The following FBXL16 variants were observed in gnomAD, a reference collection of about 807,000 sequenced individuals.
The protein encoded by FBXL16 is F-box and leucine rich repeat protein 16, also known as F-box/LRR-repeat protein 16.
FBXL16 carries 7 observed loss-of-function variants against 36.7 expected under a neutral mutation model. That is an observed-to-expected ratio of 0.19 (90% CI 0.11 to 0.36). The LOEUF is 0.36. Ranked by LOEUF, FBXL16 falls within the 10% of genes least tolerant of loss-of-function variation. The pLI, the probability that FBXL16 is intolerant of heterozygous loss-of-function variation, is 1.00. For synonymous variants in FBXL16, 355 were observed against 308.7 expected, an observed-to-expected ratio of 1.15 and a Z score of -1.57; for missense variants, 463 against 659.4, an observed-to-expected ratio of 0.70 and a Z score of 3.26.
At chr16:705,242 G>T (rs1480260302) in intron 1 of FBXL16, among the ~76,000 whole-genome samples, 1 of 152,186 alleles carries the variant, frequency 6.6e-6, no homozygotes, top group East Asian at 1.9e-4. Context: ...GTCCCAGGAG[G>T]CACGGACCCC....
chr16:702,777 G>C (rs2040066690), intron 1 of FBXL16, among the ~76,000 whole-genome samples: 1 of 152,202 alleles, frequency 6.6e-6, no homozygotes, highest in South Asian at 2.1e-4. Context: ...CCCAGGGCTG[G>C]GGTGGGCCTT....
At chr16:704,401 G>A (rs973956063) in intron 1 of FBXL16, among the ~76,000 whole-genome samples, 1 of 152,198 alleles carries the variant, frequency 6.6e-6, no homozygotes, top group African/African-American at 2.4e-5. Flanking sequence ...GGGGCAGGGA[G>A]TGGGGCAAGT....
At chr16:695,374 G>T in intron 3 of FBXL16, 41 bp downstream of exon 3, 2 of 1,373,226 alleles carry the variant, frequency 1.5e-6, no homozygotes, top group Non-Finnish European at 9.4e-7. Flanking sequence ...GTGCAGCCCC[G>T]CCCGGCCCAG....
chr16:700,828 C>T (rs1233315529), intron 1 of FBXL16, among the ~76,000 whole-genome samples: 1 of 152,066 alleles, frequency 6.6e-6, no homozygotes, highest in African/African-American at 2.4e-5. Context: ...CGCTCAGGGC[C>T]AGGCCCGGGC....
chr16:697,074 G>A lies in FBXL16; in HGVS notation c.332C>T (p.Ala111Val). 6.2e-7 allele frequency: 1 copy of A among 1,605,756 alleles called. No individual in the cohort carries two copies. Among genetic ancestry groups the A allele is most frequent in the Non-Finnish European group, 8.5e-7 (1 of 1,176,322 alleles). ...CTGGGCCAGCACACACTTCTCGCAG[G>A]CCGAGAAATACCAGAAGAGCCCATT... ...ILNGLFWYFS[A>V]CEKCVLAQVC... Residue 111 changes from alanine (A) to valine (V), a missense_variant, in exon 2 of 6, where the codon GCC becomes GTC. Transcript: ENST00000397621. This position sits in a 1 kb window ranked among gnomAD's most constrained non-coding sequence, Gnocchi z 4.6.
At position 695,750 on chromosome 16, in the gene FBXL16, G is replaced by A. The variant is rs755773705; in HGVS notation, c.807C>T (p.Asn269=). The change falls in exon 3 of 6, where the codon AAC becomes AAT. Residue 269 remains asparagine (N), a synonymous_variant. Transcript: ENST00000397621. ...AIAAISQLLP[N]LAELSLQAYH... ...AGGCCTGCAGGCTCAGCTCCGCCAG[G>A]TTGGGCAGCAGCTGCGAGATGGCCG... 2.2e-5 allele frequency: 36 copies of A among 1,604,018 alleles called. No individual in the cohort carries two copies. The highest frequency in any genetic ancestry group is 1.7e-4 in the Middle Eastern group (1 of 6,036).
At position 695,399 on chromosome 16, in the gene FBXL16, G is replaced by A. The variant is rs2040003718; in HGVS notation, c.1142+16C>T. On this transcript the variant is annotated intron_variant, in intron 3 of 5. Transcript: ENST00000397621. ...GCCCGGCCCAGCCCCGCCCGGCGCG[G>A]CCCGGGGGCGCGCACCTGTCGAGCA... 2 of 1,517,820 alleles carry A rather than the reference G, an allele frequency of 1.3e-6. No homozygotes were observed. Among genetic ancestry groups the A allele is most frequent in the African/African-American group, 1.4e-5 (1 of 72,084 alleles). 94.0% of individuals were successfully genotyped at this position (1,517,820 alleles called of 1,614,324 possible).
In FBXL16 at chr16:693,633, G is replaced by A. The variant is rs535058967; in HGVS notation, c.*642C>T. On this transcript the variant is annotated 3_prime_UTR_variant, in exon 6 of 6. Transcript: ENST00000397621. ...CGGCAAGGAGGAGGAGAGGCCGCGT[G>A]GGTCAGGCTGGATGGGTGAGGAGGT... The A allele has an allele frequency of 1.3e-5, 2 of 153,028 alleles. No homozygotes were observed. Among genetic ancestry groups the A allele is most frequent in the South Asian group, 2.1e-4 (1 of 4,846 alleles). 9.5% of individuals were successfully genotyped at this position (153,028 alleles called of 1,614,324 possible).
In FBXL16 at chr16:697,100, G is replaced by A. The variant is rs893498250; in HGVS notation, c.306C>T (p.Leu102=). Reference sequence around the variant, plus strand: ...CCGAGAAATACCAGAAGAGCCCATTGAGGATCTTCTCGTCCGTGGCCAGCG... The same window carrying A: ...CCGAGAAATACCAGAAGAGCCCATTAAGGATCTTCTCGTCCGTGGCCAGCG... ...RPPLATDEKI[L]NGLFWYFSAC... is the part of the protein sequence containing the mutation. The change falls in exon 2 of 6, where the codon CTC becomes CTT. Residue 102 remains leucine, a synonymous_variant. Coordinates refer to ENST00000397621, the MANE Select transcript of FBXL16 (RefSeq NM_153350.4). This position sits in a 1 kb window ranked among gnomAD's most constrained non-coding sequence, Gnocchi z 4.6. The A allele has an allele frequency of 5.6e-6, 9 of 1,608,044 alleles. No homozygotes were observed. Among genetic ancestry groups the A allele is most frequent in the South Asian group, 1.1e-5 (1 of 90,552 alleles).
chr16:701,576 A>G (rs1198183827), intron 1 of FBXL16, among the ~76,000 whole-genome samples: 1 of 152,144 alleles, frequency 6.6e-6, no homozygotes, highest in Non-Finnish European at 1.5e-5. Flanking sequence ...GGGCTCACAC[A>G]AGGGCCCCTC....
At chr16:696,104 C>T in intron 2 of FBXL16, 181 bp from the exon 3 acceptor site, 1 of 876,816 alleles carries the variant, frequency 1.1e-6, no homozygotes, top group Non-Finnish European at 1.7e-6. Context: ...GGGGCGTTGG[C>T]ACCAGCGTTA....
intron 1 of FBXL16, among the ~76,000 whole-genome samples, chr16:700,774 C>G (rs1222861154): frequency 6.6e-6 from 1 of 152,042 alleles, no homozygotes; most frequent in Non-Finnish European, 1.5e-5. Flanking sequence ...CCGGCCGGCG[C>G]GCCACCCGCG....
chr16:703,842 G>A (rs1235874374), intron 1 of FBXL16, among the ~76,000 whole-genome samples: 1 of 152,226 alleles, frequency 6.6e-6, no homozygotes, highest in Non-Finnish European at 1.5e-5. Flanking sequence ...TGGGTGCTGG[G>A]ATCCAGGCCT....
At position 695,069 on chromosome 16, in the gene FBXL16, G is replaced by A; in HGVS notation, c.1150C>T (p.Arg384Cys). 1 of 1,607,496 alleles carries A rather than the reference G, an allele frequency of 6.2e-7. No homozygotes were observed. ...TAGCTGAGGCCAGTGTCCGTGATGCGTACACACCTGTGGTTGCACCAGAGG... is the reference window on the plus strand; with the variant it reads ...TAGCTGAGGCCAGTGTCCGTGATGCATACACACCTGTGGTTGCACCAGAGG... ...LEELVLDRCV[R>C]ITDTGLSYLS... The change falls in exon 4 of 6, where the codon CGC (arginine) becomes TGC (cysteine). Residue 384 changes from arginine (R) to cysteine (C), a missense_variant. Arg to Cys is a radical substitution (Grantham distance 180, BLOSUM62 -3). Around this residue, in one of 3 missense-constraint regions of FBXL16, gnomAD observed 134 missense variants for 172.0 expected, o/e 0.78. Coordinates refer to ENST00000397621, the MANE Select transcript of FBXL16 (RefSeq NM_153350.4).
At chr16:700,624 C>T (rs2040048738) in intron 1 of FBXL16, among the ~76,000 whole-genome samples, 1 of 152,142 alleles carries the variant, frequency 6.6e-6, no homozygotes, top group African/African-American at 2.4e-5. Flanking sequence ...CGCAGGATGC[C>T]GGCGCCCGAG....
intron 4 of FBXL16, 48 bp from the exon 5 acceptor site, chr16:694,745 C>G: frequency 6.4e-7 from 1 of 1,552,424 alleles, no homozygotes; most frequent in East Asian, 2.4e-5. Flanking sequence ...CGCACCGAGG[C>G]GGAGGGCACC....
In FBXL16 at chr16:695,439, C is replaced by T. The variant is rs2040004086; in HGVS notation, c.1118G>A (p.Arg373His). The change falls in exon 3 of 6, where the codon CGC (arginine) becomes CAC (histidine). Residue 373 changes from arginine to histidine, a missense_variant. Around this residue, in one of 3 missense-constraint regions of FBXL16, gnomAD observed 134 missense variants for 172.0 expected, o/e 0.78. Coordinates refer to ENST00000397621, the MANE Select transcript of FBXL16 (RefSeq NM_153350.4). ...ALEYVACDLH[R>H]LEELVLDRCV... The stretch of plus-strand genomic sequence containing the variant: ...CCTGTCGAGCACGAGCTCCTCTAGG[C>T]GGTGCAGGTCGCAGGCCACGTACTC... 1 of 1,546,526 alleles carries T rather than the reference C, an allele frequency of 6.5e-7. No individual in the cohort carries two copies. The highest frequency in any genetic ancestry group is 8.7e-7 in the Non-Finnish European group (1 of 1,152,618).
At chr16:694,770 G>A (rs2039997986) in intron 4 of FBXL16, 73 bp from the exon 5 acceptor site, 5 of 1,484,058 alleles carry the variant, frequency 3.4e-6, no homozygotes, top group African/African-American at 1.4e-5. Flanking sequence ...GGTCCATGGA[G>A]GGCTAGGCGG....
intron 1 of FBXL16, among the ~76,000 whole-genome samples, chr16:701,348 A>G (rs2040055676): frequency 6.6e-6 from 1 of 152,118 alleles, no homozygotes; most frequent in Non-Finnish European, 1.5e-5. Flanking sequence ...ATCCCCGCAC[A>G]GGCAGCCCCA....
Sources: allele counts gnomAD v4.1 joint callset (sites outside exome capture counted in the v4.1 genomes callset), GRCh38; gene constraint gnomAD v4.1.1; regional missense constraint gnomAD v4.1.1; non-coding constraint Gnocchi (gnomAD v3.1); transcripts MANE v1.5; gene names NCBI Gene and HGNC (gene_info 2026-07-23, HGNC 2026-07-21).